DPP6: variants seen among roughly 807,000 people sequenced by gnomAD.
The protein encoded by DPP6 is dipeptidyl peptidase like 6.
A neutral mutation model predicts 122.6 loss-of-function variants in DPP6; 69 were observed. The ratio of observed to expected loss-of-function variants is 0.56; its 90% CI spans 0.46 to 0.69. The LOEUF (loss-of-function observed/expected upper bound fraction) is 0.69, where lower values mean the gene tolerates loss of function less well. Ranked by LOEUF, DPP6 falls within the 30% of genes least tolerant of loss-of-function variation. The pLI is 0.00. For synonymous variants in DPP6, 418 were observed against 433.1 expected (o/e 0.97, Z 0.43); for missense variants, 928 against 1,116.9 (o/e 0.83, Z 2.41).
chr7:153,908,265 T>C (rs1799935716), intron 1 of DPP6, among the ~76,000 whole-genome samples: 1 of 152,134 alleles, frequency 6.6e-6, no homozygotes, highest in Admixed American at 6.6e-5. Flanking sequence ...TGGTAATGCA[T>C]GCTGTGAAGG....
At chr7:154,474,378 G>A (rs913276175) in intron 2 of DPP6, among the ~76,000 whole-genome samples, 1 of 152,188 alleles carries the variant, frequency 6.6e-6, no homozygotes, top group African/African-American at 2.4e-5. Flanking sequence ...CAGAGATGCG[G>A]CAAGGCAGAA....
In DPP6 at chr7:154,565,615, G is replaced by A. The variant is rs143629922; in HGVS notation, c.553-1227G>A. ...ATCTCGGTCCGCCACAACCTCTGCC[G>A]TCCAGGTTCAAGTGATTCTCCTGCC... On this transcript the variant is annotated intron_variant, in intron 4 of 25. Coordinates refer to ENST00000377770, the MANE Select transcript of DPP6 (RefSeq NM_130797.4). Among the ~76,000 whole-genome samples the A allele has an allele frequency of 7.2e-3, 1,092 of 151,964 alleles. 15 individuals are homozygous for A. The highest frequency in any genetic ancestry group is 0.023 in the African/African-American group (941 of 41,450).
At position 154,803,938 on chromosome 7, in the gene DPP6, T is replaced by C. The variant is rs2150456258; in HGVS notation, c.1482T>C (p.Asp494=). 6.2e-7 allele frequency: 1 copy of C among 1,613,728 alleles called. No homozygotes were observed. ...ACGTGACCAAGATCCTAGCCTACGA[T>C]GAGAAGGGGAATAAGATGTGAGTGA... ...DWDVTKILAY[D]EKGNKIYFLS... Residue 494 remains aspartate (D), a synonymous_variant, in exon 14 of 26, where the codon GAT becomes GAC. Transcript: ENST00000377770.
intron 2 of DPP6, among the ~76,000 whole-genome samples, chr7:154,451,091 G>C (rs974927696): frequency 2.0e-5 from 3 of 152,090 alleles, no homozygotes; most frequent in Non-Finnish European, 4.4e-5. Context: ...AGGCCGGTGT[G>C]GTGGCTCATG....
At chr7:154,492,369 A>G (rs906713514) in intron 3 of DPP6, among the ~76,000 whole-genome samples, 7 of 152,198 alleles carry the variant, frequency 4.6e-5, no homozygotes, top group Admixed American at 3.9e-4. Flanking sequence ...TGCAACAGAA[A>G]GAAAATAGGA....
At chr7:153,916,535 A>T (rs1182694187) in intron 1 of DPP6, among the ~76,000 whole-genome samples, 1 of 151,244 alleles carries the variant, frequency 6.6e-6, no homozygotes, top group African/African-American at 2.4e-5. Context: ...CAGCCTCCCG[A>T]GTAGGTAGGA....
At chr7:153,798,291 T>G in the DPP6 span, among the ~76,000 whole-genome samples, 1 of 152,226 alleles carries the variant, frequency 6.6e-6, no homozygotes, top group Non-Finnish European at 1.5e-5. Flanking sequence ...GTTTCGGGGA[T>G]GCAGAAATTC....
intron 1 of DPP6, among the ~76,000 whole-genome samples, chr7:154,022,266 T>C (rs1798740558): frequency 1.3e-5 from 2 of 152,326 alleles, no homozygotes; most frequent in South Asian, 4.1e-4. Flanking sequence ...ACCAGAGAAT[T>C]CTCTTTCTTT....
the DPP6 span, among the ~76,000 whole-genome samples, chr7:153,848,434 A>C: frequency 1.9e-4 from 29 of 151,892 alleles, no homozygotes; most frequent in Non-Finnish European, 3.2e-4. Flanking sequence ...TTTTCTTCTG[A>C]AGTTCTGCAA....
intron 1 of DPP6, among the ~76,000 whole-genome samples, chr7:154,313,473 T>G (rs1032327016): frequency 4.0e-5 from 6 of 151,802 alleles, no homozygotes; most frequent in Non-Finnish European, 8.8e-5. Flanking sequence ...AGGCTCTTGC[T>G]TAAGAGAACA....
chr7:154,855,582 C>T (rs959840111), intron 17 of DPP6, among the ~76,000 whole-genome samples: 1 of 152,184 alleles, frequency 6.6e-6, no homozygotes, highest in African/African-American at 2.4e-5. Context: ...TTGCCTGGGT[C>T]TCTCACCTCC....
intron 1 of DPP6, among the ~76,000 whole-genome samples, chr7:154,216,754 G>A (rs1174619428): frequency 1.3e-5 from 2 of 151,612 alleles, no homozygotes; most frequent in East Asian, 1.9e-4. Context: ...ATATGTGATT[G>A]TGCCCTTGGG....
chr7:153,787,930 G>A, the DPP6 span, among the ~76,000 whole-genome samples: 1 of 150,734 alleles, frequency 6.6e-6, no homozygotes, highest in African/African-American at 2.4e-5. Context: ...CACCTTAGAA[G>A]GTAGAGCAGT....
intron 1 of DPP6, among the ~76,000 whole-genome samples, chr7:154,333,750 A>G (rs1398744419): frequency 2.0e-5 from 3 of 152,254 alleles, no homozygotes; most frequent in Non-Finnish European, 4.4e-5. Flanking sequence ...GATCCAAAAC[A>G]ACATTCAGTT....
intron 1 of DPP6, among the ~76,000 whole-genome samples, chr7:154,290,353 G>T (rs572704997): frequency 6.6e-6 from 1 of 152,134 alleles, no homozygotes; most frequent in African/African-American, 2.4e-5. Context: ...TCCTAAACTG[G>T]TATCTCGGCC....
At chr7:154,637,748 C>T in intron 5 of DPP6, 73 bp from the exon 6 acceptor site, 2 of 1,472,454 alleles carry the variant, frequency 1.4e-6, no homozygotes, top group South Asian at 1.4e-5. Flanking sequence ...TTAGGATTCA[C>T]AGTGATTTGA....
intron 8 of DPP6, among the ~76,000 whole-genome samples, chr7:154,749,639 C>T (rs574482692): frequency 1.7e-5 from 2 of 116,620 alleles, no homozygotes; most frequent in Non-Finnish European, 3.5e-5. Context: ...AAGCATAGGA[C>T]GGGAAAGAGA....
intron 5 of DPP6, among the ~76,000 whole-genome samples, chr7:154,623,970 G>A (rs1834901370): frequency 6.6e-6 from 1 of 152,200 alleles, no homozygotes; most frequent in South Asian, 2.1e-4. Context: ...AAGGCAGGTG[G>A]ATCACTTGAG....
At chr7:154,762,205 A>G (rs1242916266) in intron 8 of DPP6, among the ~76,000 whole-genome samples, 1 of 152,230 alleles carries the variant, frequency 6.6e-6, no homozygotes, top group Non-Finnish European at 1.5e-5. Flanking sequence ...TTTATGACCT[A>G]GTCTCACAAG....
Sources: allele counts gnomAD v4.1 joint callset (sites outside exome capture counted in the v4.1 genomes callset), GRCh38; gene constraint gnomAD v4.1.1; transcripts MANE v1.5; gene names NCBI Gene and HGNC (gene_info 2026-07-23, HGNC 2026-07-21).